HIKESHI: variants seen among roughly 807,000 people sequenced by gnomAD.
HIKESHI encodes the protein protein Hikeshi.
HIKESHI carries 13 observed loss-of-function variants against 25.7 expected under a neutral mutation model. The ratio of observed to expected loss-of-function variants is 0.51; its 90% CI spans 0.33 to 0.80. The LOEUF (loss-of-function observed/expected upper bound fraction) is 0.80. HIKESHI is among the 30% of genes least tolerant of loss of function. The pLI, the probability that HIKESHI is intolerant of heterozygous loss-of-function variation, is 0.02. For missense variants in HIKESHI, 174 were observed against 229.5 expected, an observed-to-expected ratio of 0.76 and a Z score of 1.56; for synonymous variants, 76 against 78.7, an observed-to-expected ratio of 0.97 and a Z score of 0.18.
At chr11:86,334,046 G>A (rs796306351) in intron 2 of HIKESHI, among the ~76,000 whole-genome samples, 13 of 152,296 alleles carry the variant, frequency 8.5e-5, no homozygotes, top group African/African-American at 3.1e-4. Flanking sequence ...TAAGACGCAT[G>A]TGTTCCATGT....
chr11:86,310,681 A>G (rs946091510), intron 2 of HIKESHI, among the ~76,000 whole-genome samples: 1 of 152,146 alleles, frequency 6.6e-6, no homozygotes, highest in African/African-American at 2.4e-5. Flanking sequence ...CCCATTCAGT[A>G]TGATATTGGC....
intron 1 of HIKESHI, among the ~76,000 whole-genome samples, chr11:86,304,256 G>A (rs1157592294): frequency 1.3e-5 from 2 of 151,974 alleles, no homozygotes; most frequent in South Asian, 2.1e-4. Flanking sequence ...TATTTGTATC[G>A]GTAGATAGGA....
chr11:86,338,281 G>T (rs1226346887), intron 3 of HIKESHI, among the ~76,000 whole-genome samples: 1 of 152,044 alleles, frequency 6.6e-6, no homozygotes, highest in East Asian at 1.9e-4. Flanking sequence ...CATGCTATTT[G>T]TCTTTCTGTT....
chr11:86,321,736 G>T (rs1244262954), intron 2 of HIKESHI, among the ~76,000 whole-genome samples: 1 of 152,086 alleles, frequency 6.6e-6, no homozygotes, highest in African/African-American at 2.4e-5. Flanking sequence ...CACCATGTTG[G>T]CCAAGCTGGT....
At chr11:86,302,663 C>T (rs1213405443) in intron 1 of HIKESHI, among the ~76,000 whole-genome samples, 185 bp downstream of exon 1, 1 of 152,220 alleles carries the variant, frequency 6.6e-6, no homozygotes, top group Non-Finnish European at 1.5e-5. Flanking sequence ...CAGATTCTTT[C>T]GAATAGTAGT....
At chr11:86,320,638 T>C (rs911229494) in intron 2 of HIKESHI, among the ~76,000 whole-genome samples, 1 of 152,246 alleles carries the variant, frequency 6.6e-6, no homozygotes, top group Non-Finnish European at 1.5e-5. Flanking sequence ...TATTGATGTA[T>C]AATTGACACA....
At chr11:86,326,271 C>T (rs1260834340) in intron 2 of HIKESHI, among the ~76,000 whole-genome samples, 2 of 152,106 alleles carry the variant, frequency 1.3e-5, no homozygotes. Context: ...ACTCTCCAGC[C>T]TGGGCGACAG....
rs1383589741 is a variant in HIKESHI at position 86,319,242 on chromosome 11, A to ATATTT, written c.268+12761_268+12762insATTTT. Among the ~76,000 whole-genome samples, 459 of 94,900 alleles carry ATATTT rather than the reference A, an allele frequency of 4.8e-3. 6 individuals carry two copies. Among genetic ancestry groups the ATATTT allele is most frequent in the African/African-American group, 0.018 (384 of 21,622 alleles). The allele number at this position is 94,900 out of a possible 152,430, so 62.3% of individuals were successfully genotyped here. ...AATATATATATATATATATATATAT[A>ATATTT]TTTTTTTTTTTTTTGAGACCAGTCT... On this transcript the variant is annotated intron_variant, in intron 2 of 4. Coordinates refer to ENST00000278483, the MANE Select transcript of HIKESHI (RefSeq NM_016401.4).
At chr11:86,308,025 A>G (rs1946707443) in intron 2 of HIKESHI, among the ~76,000 whole-genome samples, 1 of 124,812 alleles carries the variant, frequency 8.0e-6, no homozygotes, top group South Asian at 2.3e-4. Context: ...TATACATATT[A>G]TAAATATATA....
intron 2 of HIKESHI, among the ~76,000 whole-genome samples, chr11:86,319,828 T>A (rs553375957): frequency 6.6e-6 from 1 of 152,180 alleles, no homozygotes; most frequent in African/African-American, 2.4e-5. Flanking sequence ...GGTGGTGGTG[T>A]GTTTTTCCAC....
At chr11:86,319,229 T>TAC (rs1491078333) in intron 2 of HIKESHI, among the ~76,000 whole-genome samples, 3 of 88,292 alleles carry the variant, frequency 3.4e-5, no homozygotes, top group African/African-American at 1.7e-4. Flanking sequence ...TATATATATA[T>TAC]ATATATATAT....
chr11:86,345,364 T>C (rs10792848), intron 4 of HIKESHI: 52,087 of 412,916 alleles, frequency 0.13, 4,140 homozygotes, highest in East Asian at 0.33. Flanking sequence ...TTATGATTTG[T>C]GCTCTCTGAT....
At chr11:86,308,402 C>T (rs1440926536) in intron 2 of HIKESHI, among the ~76,000 whole-genome samples, 2 of 142,818 alleles carry the variant, frequency 1.4e-5, no homozygotes, top group Non-Finnish European at 3.0e-5. Context: ...TATACACACA[C>T]ATACACGTGC....
At chr11:86,305,123 C>T (rs376132959) in intron 1 of HIKESHI, among the ~76,000 whole-genome samples, 1 of 152,140 alleles carries the variant, frequency 6.6e-6, no homozygotes, top group African/African-American at 2.4e-5. Context: ...TCTTAGCCTC[C>T]CGAGTAGCTG....
intron 2 of HIKESHI, among the ~76,000 whole-genome samples, chr11:86,326,845 G>C (rs1364957068): frequency 6.6e-6 from 1 of 152,140 alleles, no homozygotes; most frequent in African/African-American, 2.4e-5. Context: ...AGGTGTTAAC[G>C]GTAAATTGGG....
At chr11:86,318,079 C>T (rs139541273) in intron 2 of HIKESHI, among the ~76,000 whole-genome samples, 13,447 of 151,334 alleles carry the variant, frequency 0.089, 915 homozygotes, top group African/African-American at 0.18. Context: ...CTGAGGCGGG[C>T]GGATCACGAG....
chr11:86,341,088 A>G (rs1483706805), intron 3 of HIKESHI, among the ~76,000 whole-genome samples: 1 of 152,226 alleles, frequency 6.6e-6, no homozygotes, highest in Non-Finnish European at 1.5e-5. Context: ...ATATATCAGA[A>G]AAAACCTTGC....
chr11:86,306,222 G>T (rs754798674), intron 1 of HIKESHI, 23 bp from the exon 2 acceptor site: 1 of 1,530,826 alleles, frequency 6.5e-7, no homozygotes, highest in Non-Finnish European at 9.0e-7. Flanking sequence ...CCATTGAACT[G>T]AGACAAGTTT....
intron 2 of HIKESHI, among the ~76,000 whole-genome samples, chr11:86,322,411 G>GTGTGTA (rs1349710922): frequency 1.3e-5 from 2 of 152,054 alleles, no homozygotes; most frequent in Non-Finnish European, 2.9e-5. Flanking sequence ...ATATGTGTGT[G>GTGTGTA]TGTGTATGTA....
Sources: allele counts gnomAD v4.1 joint callset (sites outside exome capture counted in the v4.1 genomes callset), GRCh38; gene constraint gnomAD v4.1.1; transcripts MANE v1.5; gene names NCBI Gene and HGNC (gene_info 2026-07-23, HGNC 2026-07-21).